MRPL35: variants seen among roughly 807,000 people sequenced by gnomAD.
MRPL35 encodes the protein large ribosomal subunit protein bL35m.
A neutral mutation model predicts 21.6 loss-of-function variants in MRPL35; 18 were observed. The observed-to-expected ratio is 0.83, with a 90% CI of 0.58 to 1.24. The LOEUF (loss-of-function observed/expected upper bound fraction) is 1.24. Ranked by LOEUF, MRPL35 falls within the 50% of genes most tolerant of loss-of-function variation. MRPL35 has a pLI of 0.00. For synonymous variants in MRPL35, 87 were observed against 86.9 expected (o/e 1.00, Z -0.01); for missense variants, 223 against 223.2 (o/e 1.00, Z 0.01).
chr2:86,203,618 A>G (rs1055611920), intron 1 of MRPL35, among the ~76,000 whole-genome samples: 3 of 152,190 alleles, frequency 2.0e-5, no homozygotes, highest in African/African-American at 7.2e-5. Flanking sequence ...TTCAGATAAT[A>G]CTCAACCTGT....
chr2:86,210,888 A>G lies in MRPL35; in HGVS notation c.*220A>G. The G allele has an allele frequency of 8.1e-7, 1 of 1,229,344 alleles. No individual in the cohort carries two copies. The highest frequency in any genetic ancestry group is 1.5e-5 in the African/African-American group (1 of 65,594). The allele number at this position is 1,229,344 out of a possible 1,614,324, so 76.2% of individuals were successfully genotyped here. A position where few individuals can be genotyped will look rare whatever the true frequency, so the allele number is the denominator to read the frequency against. On this transcript the variant is annotated 3_prime_UTR_variant, in exon 4 of 4. Transcript: ENST00000337109. ...TTTAGAATGGTGCATTATTTTTAAC[A>G]AATGGTATTGGCTTAACTAGTTGTT...
chr2:86,201,582 T>A lies in MRPL35; in HGVS notation c.43+2049T>A, dbSNP rs569494833. The stretch of plus-strand genomic sequence containing the variant: ...ATAGATGATGTAGGTAGTTATCAAC[T>A]TACTATTAATTTAGATTCTACTGAA... On this transcript the variant is annotated intron_variant, in intron 1 of 3. Coordinates refer to ENST00000337109, the MANE Select transcript of MRPL35 (RefSeq NM_016622.4). Among the ~76,000 whole-genome samples the A allele has an allele frequency of 2.6e-5, 4 of 152,358 alleles. No individual in the cohort carries two copies. The East Asian group carries it at 7.7e-4, about 29-fold the overall frequency.
intron 1 of MRPL35, among the ~76,000 whole-genome samples, chr2:86,203,055 A>C (rs1673720893): frequency 6.6e-6 from 1 of 151,396 alleles, no homozygotes; most frequent in African/African-American, 2.4e-5. Flanking sequence ...TTTGAGTACC[A>C]ACATGACACC....
rs550287082 is a variant in MRPL35 at position 86,211,531 on chromosome 2, G to A, written c.*863G>A. The A allele has an allele frequency of 3.0e-6, 3 of 985,422 alleles. No individual in the cohort carries two copies. In the South Asian group the frequency reaches 1.4e-4, roughly 46 times the overall value. The allele number at this position is 985,422 out of a possible 1,614,324, so 61.0% of individuals were successfully genotyped here. A position where few individuals can be genotyped will look rare whatever the true frequency, so the allele number is the denominator to read the frequency against. ...TAACATCTAACACACCAGGTTCATT[G>A]TGTTCATAACACTTGTCATTTACTG... On this transcript the variant is annotated 3_prime_UTR_variant, in exon 4 of 4. Coordinates refer to ENST00000337109, the MANE Select transcript of MRPL35 (RefSeq NM_016622.4).
rs1028978032 is a variant in MRPL35 at position 86,203,080 on chromosome 2, C to A, written c.44-3026C>A. The stretch of plus-strand genomic sequence containing the variant: ...AACATGACACCACAAGTGGGAAATT[C>A]TTTTTTTTTTTTTTTTTGAGACGGA... On this transcript the variant is annotated intron_variant, in intron 1 of 3. Transcript: ENST00000337109. Among the ~76,000 whole-genome samples, 4 of 132,044 alleles carry A rather than the reference C, an allele frequency of 3.0e-5. No individual in the cohort carries two copies. The Admixed American group carries it at 3.1e-4, about 10-fold the overall frequency. 86.6% of individuals were successfully genotyped at this position (132,044 alleles called of 152,430 possible). A position where few individuals can be genotyped will look rare whatever the true frequency, so the allele number is the denominator to read the frequency against.
rs1267967951 is a variant in MRPL35, at chr2:86,211,763, G to C, written c.*1095G>C. 1 of 983,814 alleles carries C rather than the reference G, an allele frequency of 1.0e-6. No individual in the cohort carries two copies. The highest frequency in any genetic ancestry group is 1.1e-4 in the East Asian group (1 of 8,806). The allele number at this position is 983,814 out of a possible 1,614,324, so 60.9% of individuals were successfully genotyped here. ...GCTCATTGAAGCCTCGCACTCCTGG[G>C]CTCAAGTGGTCCTCCTGCCTCAGCT... On this transcript the variant is annotated 3_prime_UTR_variant, in exon 4 of 4. Coordinates refer to ENST00000337109, the MANE Select transcript of MRPL35 (RefSeq NM_016622.4).
intron 3 of MRPL35, among the ~76,000 whole-genome samples, chr2:86,208,941 A>C (rs1299560834): frequency 6.6e-6 from 1 of 152,170 alleles, no homozygotes; most frequent in African/African-American, 2.4e-5. Flanking sequence ...TTTATTGTTC[A>C]TTCCCTCCTT....
chr2:86,208,706 T>TA (rs1256076258), intron 3 of MRPL35, among the ~76,000 whole-genome samples: 1 of 152,168 alleles, frequency 6.6e-6, no homozygotes. Flanking sequence ...ATGTCCCTCT[T>TA]ACTGGGCTCT....
At chr2:86,204,038 G>A (rs1177757762) in intron 1 of MRPL35, among the ~76,000 whole-genome samples, 1 of 151,738 alleles carries the variant, frequency 6.6e-6, no homozygotes, top group African/African-American at 2.4e-5. Context: ...AGGCTGGAGT[G>A]CAATGTTGCA....
At chr2:86,207,373 G>A (rs771997247) in intron 3 of MRPL35, 46 bp downstream of exon 3, 51 of 1,583,220 alleles carry the variant, frequency 3.2e-5, no homozygotes, top group Middle Eastern at 3.4e-4. Flanking sequence ...ATGTGAGGCC[G>A]GGCGTGGTGG....
At chr2:86,199,722 G>A (rs756883413) in intron 1 of MRPL35, among the ~76,000 whole-genome samples, 189 bp downstream of exon 1, 1 of 152,194 alleles carries the variant, frequency 6.6e-6, no homozygotes, top group African/African-American at 2.4e-5. Flanking sequence ...TCGGACTCAC[G>A]CGGGCCTGTG....
chr2:86,209,640 C>T (rs1185934055), intron 3 of MRPL35, among the ~76,000 whole-genome samples: 1 of 152,140 alleles, frequency 6.6e-6, no homozygotes, highest in Non-Finnish European at 1.5e-5. Flanking sequence ...AAAAGTACTT[C>T]CTATAAAAAT....
intron 1 of MRPL35, among the ~76,000 whole-genome samples, chr2:86,200,652 G>C (rs1232228884): frequency 1.3e-5 from 2 of 151,946 alleles, no homozygotes; most frequent in Non-Finnish European, 2.9e-5. Flanking sequence ...ATTTTGCGTA[G>C]CTGTAATGCT....
chr2:86,206,253 A>G lies in MRPL35; in HGVS notation c.191A>G (p.Glu64Gly), dbSNP rs568055279. Reference protein sequence around the residue: ...VSSTPRLTTSERNLTCGHTSV... With the variant: ...VSSTPRLTTSGRNLTCGHTSV... ...TCCACTCCCAGACTTACCACATCTG[A>G]GAGAAACCTGACATGTGGGCATACC... The change falls in exon 2 of 4, where the codon GAG (glutamate) becomes GGG (glycine). Residue 64 changes from glutamate to glycine, a missense_variant. Coordinates refer to ENST00000337109, the MANE Select transcript of MRPL35 (RefSeq NM_016622.4). The G allele has an allele frequency of 6.2e-7, 1 of 1,613,688 alleles. No homozygotes were observed. Among genetic ancestry groups the G allele is most frequent in the African/African-American group, 1.3e-5 (1 of 75,046 alleles).
At chr2:86,210,432 GTTTCA>G (rs1343386282) in intron 3 of MRPL35, 43 bp from the exon 4 acceptor site, 2 of 1,476,940 alleles carry the variant, frequency 1.4e-6, no homozygotes, top group African/African-American at 2.8e-5. Flanking sequence ...GATACCTGTT[GTTTCA>G]TACATAGTAT....
chr2:86,207,205 G>T lies in MRPL35; in HGVS notation c.256G>T (p.Val86Phe), dbSNP rs747874591. ...LNRMAPVLPS[V>F]LKLPVRSLTY... Reference sequence around the variant, plus strand: ...TAGAATGGCCCCCGTGCTTCCAAGTGTCCTGAAGCTGCCAGTCAGATCTCT... The same window carrying T: ...TAGAATGGCCCCCGTGCTTCCAAGTTTCCTGAAGCTGCCAGTCAGATCTCT... The change falls in exon 3 of 4, where the codon GTC becomes TTC. Residue 86 changes from valine (V) to phenylalanine (F), a missense_variant. Transcript: ENST00000337109. 1.9e-6 allele frequency: 3 copies of T among 1,612,950 alleles called. No homozygotes were observed.
chr2:86,206,726 G>T (rs907681731), intron 2 of MRPL35, among the ~76,000 whole-genome samples: 1 of 152,210 alleles, frequency 6.6e-6, no homozygotes, highest in African/African-American at 2.4e-5. Context: ...TTGTATGTGT[G>T]CTTTCCTGCA....
In MRPL35 at chr2:86,212,980, T is replaced by C; in HGVS notation, c.*2312T>C. 1 of 702,566 alleles carries C rather than the reference T, an allele frequency of 1.4e-6. No individual in the cohort carries two copies. The highest frequency in any genetic ancestry group is 1.7e-6 in the Non-Finnish European group (1 of 571,984). 43.5% of individuals were successfully genotyped at this position (702,566 alleles called of 1,614,324 possible). A position where few individuals can be genotyped will look rare whatever the true frequency, so the allele number is the denominator to read the frequency against. On this transcript the variant is annotated 3_prime_UTR_variant, in exon 4 of 4. Transcript: ENST00000337109. ...GGGTACATACATACTGTCTAACTGCTAATCCACATTTCCAGTCTTACAAAG... is the reference window on the plus strand; with the variant it reads ...GGGTACATACATACTGTCTAACTGCCAATCCACATTTCCAGTCTTACAAAG...
chr2:86,211,682 CT>C lies in MRPL35; in HGVS notation c.*1015del, dbSNP rs1396184165. The C allele has an allele frequency of 3.0e-6, 3 of 985,172 alleles. No homozygotes were observed. The African/African-American group carries it at 5.2e-5, about 17-fold the overall frequency. 61.0% of individuals were successfully genotyped at this position (985,172 alleles called of 1,614,324 possible). ...TTTGAAAGATAGGTATTTATTTTTT[CT>C]AGAGACAGGAGTTTTGCTCTGTTGC... On this transcript the variant is annotated 3_prime_UTR_variant, in exon 4 of 4. Transcript: ENST00000337109.
Sources: gnomAD v4.1 joint callset for allele counts (sites outside exome capture counted in the v4.1 genomes callset) on GRCh38, gnomAD v4.1.1 for gene constraint, MANE v1.5 for transcripts, NCBI Gene and HGNC (gene_info 2026-07-23, HGNC 2026-07-21) for gene names.